Variants in IMMP2L observed in about 807,000 individuals in gnomAD.
IMMP2L encodes the protein mitochondrial inner membrane protease subunit 2.
A neutral mutation model predicts 19.3 loss-of-function variants in IMMP2L; 18 were observed. The observed-to-expected ratio is 0.93, with a 90% confidence interval of 0.64 to 1.38. The LOEUF is 1.38. Among genes scored for constraint, IMMP2L ranks in the 40% most tolerant of loss-of-function variants. The pLI is 0.00. For synonymous variants in IMMP2L, 76 were observed against 73.0 expected, an observed-to-expected ratio of 1.04 and a Z score of -0.21; for missense variants, 233 against 218.2, an observed-to-expected ratio of 1.07 and a Z score of -0.43.
At chr7:110,780,876 C>G (rs1040003662) in intron 5 of IMMP2L, among the ~76,000 whole-genome samples, 1 of 151,878 alleles carries the variant, frequency 6.6e-6, no homozygotes, top group Non-Finnish European at 1.5e-5. Context: ...ATTATTTGCA[C>G]TCCCTGTCTT....
chr7:110,694,655 GAT>G (rs1793746648), intron 5 of IMMP2L, among the ~76,000 whole-genome samples: 1 of 152,012 alleles, frequency 6.6e-6, no homozygotes, highest in African/African-American at 2.4e-5. Context: ...GAGAGAGAGA[GAT>G]AGAGCGAATT....
intron 3 of IMMP2L, among the ~76,000 whole-genome samples, chr7:111,175,273 A>T (rs1367977092): frequency 6.6e-6 from 1 of 151,888 alleles, no homozygotes; most frequent in African/African-American, 2.4e-5. Flanking sequence ...TAGCTTAGCC[A>T]CATTCAAGAA....
chr7:111,141,688 C>G (rs376473861), intron 3 of IMMP2L, among the ~76,000 whole-genome samples: 6 of 152,096 alleles, frequency 3.9e-5, no homozygotes, highest in Non-Finnish European at 8.8e-5. Context: ...GATGAACACA[C>G]GTGCTCAATC....
rs1356395491 is a variant in IMMP2L at position 110,984,080 on chromosome 7, G to A, written c.240-20515C>T. 2.0e-5 allele frequency among the ~76,000 whole-genome samples: 3 copies of A among 151,934 alleles called. No homozygotes were observed. The East Asian group carries it at 5.8e-4, about 29-fold the overall frequency. On this transcript the variant is annotated intron_variant, in intron 3 of 5. Coordinates refer to ENST00000405709, the MANE Select transcript of IMMP2L (RefSeq NM_032549.4). The stretch of plus-strand genomic sequence containing the variant: ...TATGATTCAATCTCTTAGATTGACA[G>A]AGGACTCAGATATGATTTAATCTCT...
At position 111,273,976 on chromosome 7, in the gene IMMP2L, A is replaced by G. The variant is rs986765390; in HGVS notation, c.239+213262T>C. Among the ~76,000 whole-genome samples the G allele has an allele frequency of 3.3e-5, 5 of 152,280 alleles. No individual in the cohort carries two copies. The South Asian group carries it at 8.3e-4, about 25-fold the overall frequency. On this transcript the variant is annotated intron_variant, in intron 3 of 5. Transcript: ENST00000405709. ...TTATGGAAACTAATAACTTGCCTAC[A>G]GTTTCTTCAGTCAACATATAATTTT...
intron 5 of IMMP2L, among the ~76,000 whole-genome samples, chr7:110,809,432 A>C (rs1205866149): frequency 6.6e-6 from 1 of 151,978 alleles, no homozygotes; most frequent in East Asian, 1.9e-4. Context: ...AAGATTATGA[A>C]AAAGATTATG....
intron 4 of IMMP2L, among the ~76,000 whole-genome samples, chr7:110,900,262 T>C (rs1387036686): frequency 1.3e-5 from 2 of 152,220 alleles, no homozygotes; most frequent in East Asian, 1.9e-4. Flanking sequence ...CCCTGCCATG[T>C]AGGCCAGCTG....
At chr7:111,396,574 G>A (rs1303434492) in intron 3 of IMMP2L, among the ~76,000 whole-genome samples, 1 of 151,788 alleles carries the variant, frequency 6.6e-6, no homozygotes, top group African/African-American at 2.4e-5. Flanking sequence ...CTAGATGATG[G>A]GTTGACAGGT....
chr7:111,306,250 T>C (rs1437580170), intron 3 of IMMP2L, among the ~76,000 whole-genome samples: 1 of 152,154 alleles, frequency 6.6e-6, no homozygotes, highest in Non-Finnish European at 1.5e-5. Context: ...TATTACAAAC[T>C]TGTCCAAAGC....
chr7:111,153,378 AGTTT>A (rs1804286206), intron 3 of IMMP2L, among the ~76,000 whole-genome samples: 1 of 152,122 alleles, frequency 6.6e-6, no homozygotes, highest in African/African-American at 2.4e-5. Context: ...ACAGTGCAGT[AGTTT>A]GTCTTACAAC....
At chr7:111,452,896 GTT>G (rs1385841669) in intron 3 of IMMP2L, among the ~76,000 whole-genome samples, 1 of 152,014 alleles carries the variant, frequency 6.6e-6, no homozygotes, top group Non-Finnish European at 1.5e-5. Flanking sequence ...TATGTCACTT[GTT>G]GCTAGAAAGT....
intron 1 of IMMP2L, among the ~76,000 whole-genome samples, chr7:111,521,913 G>C (rs1846369540): frequency 1.3e-5 from 2 of 152,074 alleles, no homozygotes; most frequent in African/African-American, 4.8e-5. Context: ...AACAGCATGA[G>C]TAGAAAGGAT....
intron 3 of IMMP2L, among the ~76,000 whole-genome samples, chr7:111,433,039 C>T (rs1836795068): frequency 6.6e-6 from 1 of 151,368 alleles, no homozygotes; most frequent in African/African-American, 2.4e-5. Context: ...AATTCTCATG[C>T]TGCTATGAAG....
At chr7:110,725,121 A>G (rs938067571) in intron 5 of IMMP2L, among the ~76,000 whole-genome samples, 55 of 152,176 alleles carry the variant, frequency 3.6e-4, no homozygotes, top group Non-Finnish European at 6.8e-4. Flanking sequence ...TCTGGGAACT[A>G]CACTGATTAT....
intron 3 of IMMP2L, among the ~76,000 whole-genome samples, chr7:111,384,052 G>A (rs1191808473): frequency 6.6e-6 from 1 of 151,990 alleles, no homozygotes; most frequent in African/African-American, 2.4e-5. Flanking sequence ...ACTGAGGTGG[G>A]GGAAACATTT....
rs537549320 is a variant in IMMP2L, at chr7:110,874,478, G to T, written c.408+12115C>A. Among the ~76,000 whole-genome samples the T allele has an allele frequency of 3.3e-5, 5 of 152,044 alleles. No individual in the cohort carries two copies. The South Asian group carries it at 8.3e-4, about 25-fold the overall frequency. On this transcript the variant is annotated intron_variant, in intron 5 of 5. Transcript: ENST00000405709. The stretch of plus-strand genomic sequence containing the variant: ...TGAGATGGTTAGGGGTAATCATAGG[G>T]TGGAGAAGAATATAATAAAATTTCA...
At chr7:111,326,774 A>G (rs930220759) in intron 3 of IMMP2L, among the ~76,000 whole-genome samples, 5 of 151,884 alleles carry the variant, frequency 3.3e-5, no homozygotes, top group Admixed American at 1.3e-4. Context: ...TGGAAGCAGT[A>G]TGGAGGTTCC....
chr7:111,403,151 G>C (rs1311406522), intron 3 of IMMP2L, among the ~76,000 whole-genome samples: 1 of 151,956 alleles, frequency 6.6e-6, no homozygotes, highest in East Asian at 1.9e-4. Context: ...TTGAGGAAGG[G>C]ACCTGGTGGG....
At chr7:111,034,976 A>C (rs1159635284) in intron 3 of IMMP2L, among the ~76,000 whole-genome samples, 1 of 152,286 alleles carries the variant, frequency 6.6e-6, no homozygotes, top group Non-Finnish European at 1.5e-5. Flanking sequence ...CTCCACATAT[A>C]ACCAAACTGT....
Sources: allele counts gnomAD v4.1 joint callset (sites outside exome capture counted in the v4.1 genomes callset), GRCh38; gene constraint gnomAD v4.1.1; transcripts MANE v1.5; gene names NCBI Gene and HGNC (gene_info 2026-07-23, HGNC 2026-07-21).